Variants in ZNF365 observed in about 807,000 individuals in gnomAD.
The protein encoded by ZNF365 is zinc finger protein 365.
ZNF365 carries 22 observed loss-of-function variants against 35.0 expected under a neutral mutation model. That is an observed-to-expected ratio of 0.63 (90% CI 0.45 to 0.90). ZNF365 has a LOEUF of 0.90. ZNF365 is among the 40% of genes least tolerant of loss of function. The pLI, the probability that ZNF365 is intolerant of heterozygous loss-of-function variation, is 0.00. For missense variants in ZNF365, 448 were observed against 500.3 expected (o/e 0.90, Z 1.00); for synonymous variants, 188 against 196.2 (o/e 0.96, Z 0.35).
chr10:62,433,213 C>T (rs1174940175), intron 3 of ZNF365, among the ~76,000 whole-genome samples: 1 of 152,160 alleles, frequency 6.6e-6, no homozygotes, highest in Non-Finnish European at 1.5e-5. Context: ...TAATGAGTTA[C>T]TAAACAGTTT....
downstream of ZNF365, among the ~76,000 whole-genome samples, chr10:62,403,197 ATGT>A (rs952351837): frequency 6.6e-6 from 1 of 152,018 alleles, no homozygotes; most frequent in Non-Finnish European, 1.5e-5. Context: ...AGAAAAGGAC[ATGT>A]TAGTAAGAAA....
At chr10:62,419,399 T>C (rs551341357) in intron 3 of ZNF365, among the ~76,000 whole-genome samples, 2 of 152,072 alleles carry the variant, frequency 1.3e-5, no homozygotes, top group African/African-American at 4.8e-5. Flanking sequence ...AGGGTTTATT[T>C]GAGCCAAAGG....
At chr10:62,479,920 G>A in exon 5 of ZNF365, 2 of 1,612,854 alleles carry the variant, frequency 1.2e-6, no homozygotes, top group Non-Finnish European at 1.7e-6. Flanking sequence ...ATGTGATTCT[G>A]GATGAGGACT....
intron 3 of ZNF365, 28 bp from the exon 4 acceptor site, chr10:62,398,712 A>C: frequency 6.2e-7 from 1 of 1,606,258 alleles, no homozygotes; most frequent in Non-Finnish European, 8.5e-7. Context: ...AATGCAGTTA[A>C]CATTTTTTCT....
At chr10:62,424,830 A>G (rs1840227472) in intron 3 of ZNF365, among the ~76,000 whole-genome samples, 2 of 152,234 alleles carry the variant, frequency 1.3e-5, no homozygotes, top group Admixed American at 1.3e-4. Context: ...GTTACTACAC[A>G]GTTATCCCAG....
At chr10:62,453,842 A>G (rs193245711) in intron 3 of ZNF365, among the ~76,000 whole-genome samples, 1 of 152,186 alleles carries the variant, frequency 6.6e-6, no homozygotes, top group Non-Finnish European at 1.5e-5. Flanking sequence ...TAAATGTCTA[A>G]TATTTGGGAT....
At chr10:62,428,538 G>A (rs1840284244) in intron 3 of ZNF365, among the ~76,000 whole-genome samples, 1 of 102,322 alleles carries the variant, frequency 9.8e-6, no homozygotes, top group African/African-American at 2.8e-5. Flanking sequence ...AGTTTCCTGA[G>A]GCCTCCCCAG....
In ZNF365 at chr10:62,399,719, T is replaced by G. The variant is rs767939765; in HGVS notation, c.1154T>G (p.Phe385Cys). ...CCAAAGAAAGGGGAGCTCCTGGGGTTTGGCCGCAAAGGCAACATCAGGCCC... is the reference window on the plus strand; with the variant it reads ...CCAAAGAAAGGGGAGCTCCTGGGGTGTGGCCGCAAAGGCAACATCAGGCCC... ...RPPKKGELLG[F>C]GRKGNIRPKM... The change falls in exon 5 of 5, where the codon TTT (phenylalanine) becomes TGT (cysteine). Residue 385 changes from phenylalanine (F) to cysteine (C), a missense_variant. Around this residue, in one of 3 missense-constraint regions of ZNF365, gnomAD observed 362 missense variants for 375.7 expected, o/e 0.96. Coordinates refer to ENST00000395254, the MANE Select transcript of ZNF365 (RefSeq NM_014951.3). 6.2e-7 allele frequency: 1 copy of G among 1,614,106 alleles called. No individual in the cohort carries two copies. The highest frequency in any genetic ancestry group is 8.5e-7 in the Non-Finnish European group (1 of 1,180,026).
intron 3 of ZNF365, among the ~76,000 whole-genome samples, chr10:62,420,500 G>C (rs1304718494): frequency 6.6e-6 from 1 of 152,136 alleles, no homozygotes; most frequent in African/African-American, 2.4e-5. Context: ...TCTTAACTCA[G>C]AAATGATTCA....
chr10:62,418,915 G>T (rs1840122492), intron 3 of ZNF365, among the ~76,000 whole-genome samples: 1 of 149,480 alleles, frequency 6.7e-6, no homozygotes, highest in Admixed American at 6.7e-5. Context: ...GACTTATTCT[G>T]AACTCTTTCA....
chr10:62,456,237 TA>T (rs916415796), intron 3 of ZNF365, among the ~76,000 whole-genome samples: 48 of 145,716 alleles, frequency 3.3e-4, no homozygotes, highest in Middle Eastern at 3.6e-3. Context: ...CTCCATAAGA[TA>T]AAAAAAAAAA....
Position 62,400,090 on chromosome 10 carries a change from G to A in ZNF365, c.*301G>A. On this transcript the variant is annotated 3_prime_UTR_variant, in exon 5 of 5. Coordinates refer to ENST00000395254, the MANE Select transcript of ZNF365 (RefSeq NM_014951.3). Reference sequence around the variant, plus strand: ...CAGTCTCCAGTAATCTTGGCATCTGGGCTTCTATGCAGTGGTCACTAATTT... The same window carrying A: ...CAGTCTCCAGTAATCTTGGCATCTGAGCTTCTATGCAGTGGTCACTAATTT... 1 of 1,127,518 alleles carries A rather than the reference G, an allele frequency of 8.9e-7. No individual in the cohort carries two copies. The highest frequency in any genetic ancestry group is 1.1e-6 in the Non-Finnish European group (1 of 919,074). The allele number at this position is 1,127,518 out of a possible 1,614,324, so 69.8% of individuals were successfully genotyped here.
At chr10:62,434,337 G>A (rs1840376157) in intron 3 of ZNF365, among the ~76,000 whole-genome samples, 1 of 152,016 alleles carries the variant, frequency 6.6e-6, no homozygotes, top group South Asian at 2.1e-4. Context: ...CAAATCAACT[G>A]ATGGGTGGAG....
At position 62,436,713 on chromosome 10, in the gene ZNF365, A is replaced by T. The variant is rs1840413121; in HGVS notation, c.925-23028A>T. 2.0e-5 allele frequency among the ~76,000 whole-genome samples: 3 copies of T among 152,190 alleles called. No individual in the cohort carries two copies. In the South Asian group the frequency reaches 6.2e-4, roughly 32 times the overall value. ...TGCTTCTTGTTGAGCAGAGCCAATT[A>T]ACTGAAAAAGCTAATGATGGAAGGA... On this transcript the variant is annotated intron_variant, in intron 3 of 4. Coordinates refer to the ZNF365 transcript ENST00000395255.
intron 3 of ZNF365, among the ~76,000 whole-genome samples, chr10:62,425,678 C>A (rs1011662637): frequency 2.0e-5 from 3 of 152,180 alleles, no homozygotes; most frequent in Non-Finnish European, 2.9e-5. Context: ...TCTCAGGAGG[C>A]CTTCCCTGCT....
chr10:62,406,863 G>T (rs971932555), downstream of ZNF365, among the ~76,000 whole-genome samples: 1 of 152,186 alleles, frequency 6.6e-6, no homozygotes, highest in Non-Finnish European at 1.5e-5. Flanking sequence ...CCCATTGTGA[G>T]AGAACTGTAT....
intron 3 of ZNF365, among the ~76,000 whole-genome samples, chr10:62,391,131 A>G (rs1334115256): frequency 6.6e-6 from 1 of 152,210 alleles, no homozygotes; most frequent in African/African-American, 2.4e-5. Flanking sequence ...TAGACTTTTA[A>G]ATTATTTTTT....
At position 62,414,419 on chromosome 10, in the gene ZNF365, G is replaced by T. The variant is rs565814934; in HGVS notation, c.924+25843G>T. 5.9e-5 allele frequency among the ~76,000 whole-genome samples: 9 copies of T among 151,532 alleles called. No homozygotes were observed. The South Asian group carries it at 1.9e-3, about 32-fold the overall frequency. ...TTTTATAGAGACACTATGTTGCCCA[G>T]ACTGGTCTCAAACTCTTAGGCTTTA... On this transcript the variant is annotated intron_variant, in intron 3 of 4. Transcript: ENST00000395255.
intron 3 of ZNF365, among the ~76,000 whole-genome samples, chr10:62,438,338 C>A (rs1414449566): frequency 6.6e-6 from 1 of 151,824 alleles, no homozygotes; most frequent in African/African-American, 2.4e-5. Context: ...ACAGGCGCAG[C>A]AACCATGCCA....
Sources: gnomAD v4.1 joint callset for allele counts (sites outside exome capture counted in the v4.1 genomes callset) on GRCh38, gnomAD v4.1.1 for gene constraint, gnomAD v4.1.1 regional missense constraint, MANE v1.5 for transcripts, NCBI Gene and HGNC (gene_info 2026-07-23, HGNC 2026-07-21) for gene names.